Variants in RNF125 observed in about 807,000 individuals in gnomAD.
RNF125 encodes the protein ring finger protein 125.
In RNF125, 21 loss-of-function variants were observed where a neutral mutation model predicts 26.0. The observed-to-expected ratio is 0.81, with a 90% CI of 0.57 to 1.16. The LOEUF (loss-of-function observed/expected upper bound fraction) is 1.16. Among genes scored for constraint, RNF125 ranks in the 50% most tolerant of loss-of-function variants. RNF125 has a pLI of 0.00. For synonymous variants in RNF125, 95 were observed against 109.2 expected (o/e 0.87, Z 0.81); for missense variants, 270 against 299.4 (o/e 0.90, Z 0.72).
In RNF125 at chr18:32,045,644, G is replaced by GT; in HGVS notation, c.417dup (p.Val140CysfsTer11). The GT allele has an allele frequency of 1.2e-6, 2 of 1,602,100 alleles. No homozygotes were observed. Among genetic ancestry groups the GT allele is most frequent in the Non-Finnish European group, 1.7e-6 (2 of 1,171,166 alleles). On this transcript the variant is annotated frameshift_variant, in exon 4 of 6. Transcript: ENST00000217740. LOFTEE classifies it high-confidence loss of function. ...TTTGTATTCTGTGCTATTTCCAGGT[G>GT]TGTATGTCCCTTTTGTCAGAGGGAA...
rs1253398707 is a variant in RNF125, at chr18:32,072,102, G to A, written c.*3718G>A. ...TTTAGTTTCAGCTACTAAGGAGGCT[G>A]AGGTTGGAGGATCACTTGAGCCTAG... On this transcript the variant is annotated 3_prime_UTR_variant, in exon 6 of 6. Coordinates refer to ENST00000217740, the MANE Select transcript of RNF125 (RefSeq NM_017831.4). 6.6e-6 allele frequency: 1 copy of A among 152,260 alleles called. No homozygotes were observed. The highest frequency in any genetic ancestry group is 2.4e-5 in the African/African-American group (1 of 41,446). 9.4% of individuals were successfully genotyped at this position (152,260 alleles called of 1,614,324 possible).
At chr18:32,063,968 CTTTTT>C (rs747535447) in intron 4 of RNF125, among the ~76,000 whole-genome samples, 1 of 140,102 alleles carries the variant, frequency 7.1e-6, no homozygotes, top group African/African-American at 2.6e-5. Flanking sequence ...TGGTCTGTAT[CTTTTT>C]TTTTTTTTTA....
intron 4 of RNF125, among the ~76,000 whole-genome samples, chr18:32,061,470 G>A (rs191710202): frequency 6.6e-6 from 1 of 152,272 alleles, no homozygotes; most frequent in East Asian, 1.9e-4. Flanking sequence ...AATAAATATG[G>A]AGCAGAGCTA....
At chr18:32,029,979 C>G (rs1568193948) in intron 1 of RNF125, among the ~76,000 whole-genome samples, 1 of 152,178 alleles carries the variant, frequency 6.6e-6, no homozygotes. Context: ...AGAGCCAAGT[C>G]TCCATTGACC....
At chr18:32,035,467 C>T (rs1346351818) in intron 1 of RNF125, among the ~76,000 whole-genome samples, 5 of 152,142 alleles carry the variant, frequency 3.3e-5, no homozygotes, top group Admixed American at 3.3e-4. Context: ...TGTGCCTGCC[C>T]ATCACTAAAG....
At chr18:32,048,007 A>C (rs1359875188) in intron 4 of RNF125, among the ~76,000 whole-genome samples, 1 of 152,134 alleles carries the variant, frequency 6.6e-6, no homozygotes, top group Admixed American at 6.6e-5. Context: ...ATGCGCCTTT[A>C]GTCCCAGCTA....
chr18:32,059,160 T>C (rs773235979), intron 4 of RNF125, among the ~76,000 whole-genome samples: 1 of 152,196 alleles, frequency 6.6e-6, no homozygotes, highest in Non-Finnish European at 1.5e-5. Context: ...CTGGATCATA[T>C]GATAGTTTGA....
At chr18:32,057,940 A>G (rs2039400863) in intron 4 of RNF125, among the ~76,000 whole-genome samples, 1 of 152,038 alleles carries the variant, frequency 6.6e-6, no homozygotes. Flanking sequence ...TGCTGGTCTG[A>G]GGACCCCACG....
chr18:32,058,429 T>G (rs928669805), intron 4 of RNF125, among the ~76,000 whole-genome samples: 4 of 152,034 alleles, frequency 2.6e-5, no homozygotes, highest in African/African-American at 9.7e-5. Context: ...CACTGTGACC[T>G]CCGCCTCTCA....
the RNF125 span, among the ~76,000 whole-genome samples, chr18:32,088,658 T>C: frequency 2.0e-5 from 3 of 152,056 alleles, no homozygotes; most frequent in African/African-American, 7.2e-5. Context: ...ATGCATACCA[T>C]GCCCGGTTAA....
the RNF125 span, among the ~76,000 whole-genome samples, chr18:32,081,651 TG>T: frequency 6.6e-6 from 1 of 152,206 alleles, no homozygotes; most frequent in African/African-American, 2.4e-5. Flanking sequence ...TCTAAGGTAC[TG>T]GGGTTAGAAC....
chr18:32,076,650 C>G (rs532604470), downstream of RNF125, among the ~76,000 whole-genome samples: 6 of 152,194 alleles, frequency 3.9e-5, no homozygotes, highest in African/African-American at 1.4e-4. Context: ...CCTTTCCATG[C>G]CCTTCAATGA....
At chr18:32,050,177 A>G (rs1170041669) in intron 4 of RNF125, among the ~76,000 whole-genome samples, 1 of 152,178 alleles carries the variant, frequency 6.6e-6, no homozygotes, top group African/African-American at 2.4e-5. Context: ...ATCAAACCAC[A>G]AGATAACCAT....
At chr18:32,030,995 A>G (rs908962369) in intron 1 of RNF125, 1 of 152,166 alleles carries the variant, frequency 6.6e-6, no homozygotes, top group East Asian at 1.9e-4. Context: ...TGCAAGAACT[A>G]GCCCACTCCT....
downstream of RNF125, among the ~76,000 whole-genome samples, chr18:32,076,689 C>T (rs142270716): frequency 2.6e-5 from 4 of 152,292 alleles, no homozygotes; most frequent in East Asian, 7.7e-4. Context: ...TCCCTGCCCA[C>T]TCTCCAACTT....
At chr18:32,025,951 A>G (rs1317123178) in intron 1 of RNF125, among the ~76,000 whole-genome samples, 3 of 152,104 alleles carry the variant, frequency 2.0e-5, no homozygotes, top group African/African-American at 7.2e-5. Flanking sequence ...GAACAAAAAA[A>G]GGTCTAGTTG....
chr18:32,050,280 A>AG (rs1384843848), intron 4 of RNF125, among the ~76,000 whole-genome samples: 6 of 152,148 alleles, frequency 3.9e-5, no homozygotes, highest in African/African-American at 1.4e-4. Flanking sequence ...AAGAGCCAAT[A>AG]GCTCCTTTTT....
intron 1 of RNF125, among the ~76,000 whole-genome samples, chr18:32,020,183 G>A (rs2038973645): frequency 6.6e-6 from 1 of 151,870 alleles, no homozygotes; most frequent in Non-Finnish European, 1.5e-5. Flanking sequence ...GAGTTGCTGG[G>A]ATTACAGGCG....
downstream of RNF125, chr18:32,076,349 C>T: frequency 7.3e-6 from 2 of 275,434 alleles, no homozygotes; most frequent in Non-Finnish European, 1.4e-5. Context: ...CAGGGTCTCA[C>T]TCTGTCTTCC....
Sources: allele counts gnomAD v4.1 joint callset (sites outside exome capture counted in the v4.1 genomes callset), GRCh38; gene constraint gnomAD v4.1.1; transcripts MANE v1.5; gene names NCBI Gene and HGNC (gene_info 2026-07-23, HGNC 2026-07-21).